The following DLC1 variants were observed in gnomAD, a reference collection of about 807,000 sequenced individuals.
The protein encoded by DLC1 is DLC1 Rho GTPase activating protein.
In DLC1, 54 loss-of-function variants were observed where a neutral mutation model predicts 140.3. The ratio of observed to expected loss-of-function variants is 0.38; its 90% CI spans 0.31 to 0.48. The LOEUF (loss-of-function observed/expected upper bound fraction) is 0.48. Ranked by LOEUF, DLC1 falls within the 20% of genes least tolerant of loss-of-function variation. The probability of loss-of-function intolerance (pLI) is 0.96; values close to 1 mark genes in which losing one functional copy is unlikely to be tolerated. For synonymous variants in DLC1, 986 were observed against 728.1 expected (o/e 1.35, Z -5.70); for missense variants, 2,536 against 1,907.0 (o/e 1.33, Z -6.14).
At chr8:13,306,651 C>G (rs1832448055) in intron 4 of DLC1, among the ~76,000 whole-genome samples, 2 of 151,852 alleles carry the variant, frequency 1.3e-5, no homozygotes, top group African/African-American at 4.8e-5. Flanking sequence ...GAGCATCAAT[C>G]TTCATTTCGA....
chr8:13,210,857 G>T (rs1198455495), intron 5 of DLC1, among the ~76,000 whole-genome samples: 1 of 152,106 alleles, frequency 6.6e-6, no homozygotes, highest in African/African-American at 2.4e-5. Context: ...TCTTTCCCTG[G>T]TCTGAAGTTC....
chr8:13,170,002 G>C (rs372432100), intron 5 of DLC1, among the ~76,000 whole-genome samples: 2 of 152,026 alleles, frequency 1.3e-5, no homozygotes, highest in African/African-American at 4.8e-5. Flanking sequence ...CCTGGCAACA[G>C]AGCAAGACCT....
chr8:13,347,152 G>A (rs1052139500), intron 4 of DLC1, among the ~76,000 whole-genome samples: 27 of 152,306 alleles, frequency 1.8e-4, no homozygotes, highest in Non-Finnish European at 3.1e-4. Flanking sequence ...GTGGGTCACG[G>A]AATATGTTCC....
chr8:13,466,263 C>T (rs1247204864), intron 2 of DLC1, among the ~76,000 whole-genome samples: 1 of 152,202 alleles, frequency 6.6e-6, no homozygotes, highest in East Asian at 1.9e-4. Flanking sequence ...CTCGCTGAGC[C>T]TGCGTGTTCT....
chr8:13,595,221 T>A (rs2117483941), intron 1 of DLC1, among the ~76,000 whole-genome samples: 1 of 152,126 alleles, frequency 6.6e-6, no homozygotes, highest in East Asian at 1.9e-4. Context: ...CATTTAATTT[T>A]TTTTCCAACA....
chr8:13,456,218 A>G (rs1468597684), intron 2 of DLC1, among the ~76,000 whole-genome samples: 3 of 152,170 alleles, frequency 2.0e-5, no homozygotes, highest in Non-Finnish European at 4.4e-5. Context: ...ATAGATGGTT[A>G]CTGAATGTTG....
At chr8:13,246,325 A>G (rs575838903) in intron 5 of DLC1, among the ~76,000 whole-genome samples, 1 of 152,238 alleles carries the variant, frequency 6.6e-6, no homozygotes, top group African/African-American at 2.4e-5. Context: ...TTTATTTTAT[A>G]AGATTGCCAG....
chr8:13,317,197 A>G (rs1251733855), intron 4 of DLC1, among the ~76,000 whole-genome samples: 3 of 152,226 alleles, frequency 2.0e-5, no homozygotes, highest in East Asian at 1.9e-4. Context: ...CAAATCAAGT[A>G]TAAGGAAGGT....
chr8:13,164,309 T>A (rs1330616175), intron 5 of DLC1, among the ~76,000 whole-genome samples: 17 of 133,382 alleles, frequency 1.3e-4, no homozygotes, highest in East Asian at 4.5e-4. Context: ...AAAAAAAAAA[T>A]CTCTATATCT....
At chr8:13,595,652 T>C (rs371126819) in intron 1 of DLC1, among the ~76,000 whole-genome samples, 27 of 152,144 alleles carry the variant, frequency 1.8e-4, no homozygotes, top group African/African-American at 5.5e-4. Context: ...GATATGCTGG[T>C]AACTACTAGA....
At position 13,499,794 on chromosome 8, in the gene DLC1, C is replaced by T; in HGVS notation, c.278G>A (p.Gly93Asp). 3 of 1,614,066 alleles carry T rather than the reference C, an allele frequency of 1.9e-6. No individual in the cohort carries two copies. Among genetic ancestry groups the T allele is most frequent in the Non-Finnish European group, 2.5e-6 (3 of 1,180,010 alleles). The stretch of plus-strand genomic sequence containing the variant: ...TTCCAGAGAAAGAAACTGATCTTCA[C>T]CTTCATGGCTGTCATTTTCGTCCAC... ...KDVDENDSHE[G>D]EDQFLSLEAS... The change falls in exon 2 of 18, where the codon GGT becomes GAT. Residue 93 changes from glycine to aspartate, a missense_variant. Physicochemically the swap from Gly to Asp is moderately conservative, Grantham distance 94 (BLOSUM62 -1). Transcript: ENST00000276297.
At chr8:13,276,277 C>A (rs2117404619) in intron 5 of DLC1, 2 of 1,535,560 alleles carry the variant, frequency 1.3e-6, no homozygotes, top group Non-Finnish European at 1.7e-6. Context: ...AGCCGTCTGT[C>A]TCTAGTGTTT....
intron 2 of DLC1, among the ~76,000 whole-genome samples, chr8:13,435,681 T>G (rs1839087947): frequency 6.6e-6 from 1 of 152,228 alleles, no homozygotes; most frequent in African/African-American, 2.4e-5. Flanking sequence ...CTGATGAAGA[T>G]ACTGTGCACA....
chr8:13,150,290 A>G (rs985314526), intron 5 of DLC1, among the ~76,000 whole-genome samples: 11 of 152,216 alleles, frequency 7.2e-5, no homozygotes, highest in African/African-American at 2.7e-4. Context: ...AAGTATTGCA[A>G]TGGCTTGCCC....
intron 4 of DLC1, among the ~76,000 whole-genome samples, chr8:13,308,418 A>T (rs1832543319): frequency 6.6e-6 from 1 of 152,216 alleles, no homozygotes; most frequent in South Asian, 2.1e-4. Context: ...TAACAGGTGG[A>T]TATTCCTCCA....
chr8:13,213,388 C>T lies in DLC1; in HGVS notation c.1348+91881G>A, dbSNP rs138431128. ...ACAGAAGCCTCTATATTTCTACATA[C>T]AGATTAAAGAATAATGTCTTCCCAA... is the stretch of plus-strand genomic sequence containing the variant. On this transcript the variant is annotated intron_variant, in intron 5 of 17. Coordinates refer to ENST00000276297, the MANE Select transcript of DLC1 (RefSeq NM_182643.3). Among the ~76,000 whole-genome samples, 1,508 of 152,296 alleles carry T rather than the reference C, an allele frequency of 9.9e-3. 11 individuals carry two copies. Among genetic ancestry groups the T allele is most frequent in the South Asian group, 0.034 (166 of 4,824 alleles).
intron 2 of DLC1, among the ~76,000 whole-genome samples, chr8:13,433,565 T>G (rs1770949032): frequency 1.3e-5 from 2 of 152,366 alleles, no homozygotes; most frequent in Admixed American, 6.5e-5. Flanking sequence ...AGTCTCTAAC[T>G]TTCTTCCTCA....
rs1818920582 is a variant in DLC1 at position 13,100,175 on chromosome 8, C to T, written c.2162G>A (p.Gly721Asp). ...LNCVEISALNGNRINVPMVRK... is the reference protein window; with the variant it reads ...LNCVEISALNDNRINVPMVRK... ...TACCATGGGGACGTTGATGCGGTTG[C>T]CATTGAGGGCGGAGATCTCCACGCA... The change falls in exon 9 of 18, where the codon GGC (glycine) becomes GAC (aspartate). Residue 721 changes from glycine (G) to aspartate (D), a missense_variant. Transcript: ENST00000276297. The T allele has an allele frequency of 6.2e-7, 1 of 1,613,436 alleles. No individual in the cohort carries two copies.
intron 5 of DLC1, among the ~76,000 whole-genome samples, chr8:13,289,103 C>A (rs1169049618): frequency 1.3e-5 from 2 of 152,166 alleles, no homozygotes; most frequent in Non-Finnish European, 2.9e-5. Context: ...GCATTCGGTG[C>A]TCATGCCATC....
Sources: gnomAD v4.1 joint callset for allele counts (sites outside exome capture counted in the v4.1 genomes callset) on GRCh38, gnomAD v4.1.1 for gene constraint, MANE v1.5 for transcripts, NCBI Gene and HGNC (gene_info 2026-07-23, HGNC 2026-07-21) for gene names.